Variants in DIAPH3 observed in about 807,000 individuals in gnomAD.
The protein encoded by DIAPH3 is diaphanous related formin 3.
A neutral mutation model predicts 144.3 loss-of-function variants in DIAPH3; 117 were observed. The observed-to-expected ratio is 0.81, with a 90% CI of 0.70 to 0.95. The LOEUF is 0.95. Ranked by LOEUF, DIAPH3 falls within the 40% of genes least tolerant of loss-of-function variation. The probability of loss-of-function intolerance (pLI) is 0.00; values close to 1 mark genes in which losing one functional copy is unlikely to be tolerated. For missense variants in DIAPH3, 1,421 were observed against 1,412.7 expected, an observed-to-expected ratio of 1.01 and a Z score of -0.09; for synonymous variants, 519 against 488.9, an observed-to-expected ratio of 1.06 and a Z score of -0.81.
intron 20 of DIAPH3, among the ~76,000 whole-genome samples, chr13:59,900,380 C>G (rs545006609): frequency 6.8e-4 from 104 of 152,240 alleles, no homozygotes; most frequent in African/African-American, 2.4e-3. Context: ...GTCATGGCCA[C>G]TAGCTTCTTT....
At chr13:60,072,939 A>T (rs796972926) in intron 4 of DIAPH3, among the ~76,000 whole-genome samples, 23 of 152,292 alleles carry the variant, frequency 1.5e-4, no homozygotes, top group African/African-American at 5.3e-4. Flanking sequence ...TCTGGGGGAG[A>T]AATTATGGAT....
At chr13:60,092,576 G>A (rs1007106396) in intron 4 of DIAPH3, among the ~76,000 whole-genome samples, 3 of 152,058 alleles carry the variant, frequency 2.0e-5, no homozygotes, top group African/African-American at 7.2e-5. Context: ...GCGTGAACCC[G>A]GGAGGCGGAG....
chr13:59,957,519 T>A (rs1243845448), intron 17 of DIAPH3, among the ~76,000 whole-genome samples: 4 of 152,192 alleles, frequency 2.6e-5, no homozygotes, highest in African/African-American at 9.7e-5. Flanking sequence ...TCTTTTTCTT[T>A]ATAAATACCC....
Position 60,042,804 on chromosome 13 carries a change from C to T in DIAPH3, c.512G>A (p.Ser171Asn). 1 of 1,613,474 alleles carries T rather than the reference C, an allele frequency of 6.2e-7. No individual in the cohort carries two copies. Among genetic ancestry groups the T allele is most frequent in the South Asian group, 1.1e-5 (1 of 91,060 alleles). ...GAATTCCTGAGGTGAGATCTGTCGGCTTCTCTTAAGACTTCCCTATAAAAT... is the reference window on the plus strand; with the variant it reads ...GAATTCCTGAGGTGAGATCTGTCGGTTTCTCTTAAGACTTCCCTATAAAAT... ...TASKTGSLKR[S>N]RQISPQEFIH... The change falls in exon 5 of 28, where the codon AGC (serine) becomes AAC (asparagine). Residue 171 changes from serine to asparagine, a missense_variant. Transcript: ENST00000400324.
intron 25 of DIAPH3, among the ~76,000 whole-genome samples, chr13:59,797,448 C>T (rs2039672795): frequency 6.6e-6 from 1 of 152,124 alleles, no homozygotes; most frequent in African/African-American, 2.4e-5. Context: ...TATTTCAATG[C>T]CCATTTTTAT....
At chr13:59,784,595 T>A (rs896501685) in intron 25 of DIAPH3, among the ~76,000 whole-genome samples, 2 of 151,880 alleles carry the variant, frequency 1.3e-5, no homozygotes, top group African/African-American at 4.8e-5. Context: ...CAGGCTGGTC[T>A]TGAACTCCTG....
intron 20 of DIAPH3, among the ~76,000 whole-genome samples, chr13:59,898,246 C>T (rs574061624): frequency 6.6e-6 from 1 of 151,956 alleles, no homozygotes; most frequent in African/African-American, 2.4e-5. Context: ...CACATGCATG[C>T]TCTCCTAATC....
chr13:60,046,999 T>A (rs1380606428), intron 4 of DIAPH3, among the ~76,000 whole-genome samples: 1 of 151,992 alleles, frequency 6.6e-6, no homozygotes, highest in African/African-American at 2.4e-5. Flanking sequence ...AAGAGAGGGA[T>A]AGCATTAGGA....
intron 27 of DIAPH3, among the ~76,000 whole-genome samples, chr13:59,729,524 A>T (rs778236268): frequency 1.3e-5 from 2 of 152,028 alleles, no homozygotes; most frequent in Non-Finnish European, 2.9e-5. Context: ...AAAACAATTT[A>T]CCATAACGTG....
intron 19 of DIAPH3, among the ~76,000 whole-genome samples, chr13:59,913,089 C>T (rs189356925): frequency 6.6e-6 from 1 of 152,226 alleles, no homozygotes; most frequent in Admixed American, 6.5e-5. Context: ...TATATTTTTA[C>T]CCATTCTAGT....
chr13:59,917,889 C>CAAAAA (rs60792156), intron 18 of DIAPH3, among the ~76,000 whole-genome samples: 14 of 18,632 alleles, frequency 7.5e-4, no homozygotes, highest in Non-Finnish European at 9.8e-4. Flanking sequence ...GACTCTGTCT[C>CAAAAA]AAAAAAAAAA....
intron 21 of DIAPH3, among the ~76,000 whole-genome samples, chr13:59,875,470 G>T (rs2044558876): frequency 6.6e-6 from 1 of 151,826 alleles, no homozygotes; most frequent in Non-Finnish European, 1.5e-5. Context: ...TCCTTAAGAG[G>T]CCCAGAATAC....
chr13:59,959,142 C>T (rs1297868657), intron 17 of DIAPH3, among the ~76,000 whole-genome samples: 2 of 152,078 alleles, frequency 1.3e-5, no homozygotes. Context: ...TCACAAAGTG[C>T]GGAGATTACA....
intron 27 of DIAPH3, among the ~76,000 whole-genome samples, chr13:59,680,565 CTT>C (rs74919349): frequency 3.2e-4 from 46 of 141,870 alleles, no homozygotes; most frequent in Admixed American, 2.8e-4. Flanking sequence ...TTTCCTTAGT[CTT>C]TTTTTTTTTT....
At chr13:60,031,907 C>T (rs191918663) in intron 5 of DIAPH3, among the ~76,000 whole-genome samples, 3 of 152,086 alleles carry the variant, frequency 2.0e-5, no homozygotes, top group African/African-American at 7.2e-5. Flanking sequence ...CCATGCCCAG[C>T]TAATTTTTGT....
chr13:59,674,939 A>T (rs1202502732), intron 27 of DIAPH3, among the ~76,000 whole-genome samples: 2 of 152,370 alleles, frequency 1.3e-5, no homozygotes, highest in East Asian at 3.9e-4. Flanking sequence ...GGTCAGAAGT[A>T]ATTTGATCAG....
At chr13:60,022,966 T>C (rs192792124) in intron 5 of DIAPH3, among the ~76,000 whole-genome samples, 3 of 152,292 alleles carry the variant, frequency 2.0e-5, no homozygotes, top group African/African-American at 7.2e-5. Flanking sequence ...ATGATGAACA[T>C]TGGTTTGTAA....
chr13:59,873,215 C>T (rs1398797541), intron 21 of DIAPH3, among the ~76,000 whole-genome samples: 1 of 152,172 alleles, frequency 6.6e-6, no homozygotes, highest in Admixed American at 6.5e-5. Flanking sequence ...AACTGCTTTA[C>T]TTTCAAAGGT....
intron 17 of DIAPH3, among the ~76,000 whole-genome samples, chr13:59,954,979 A>G (rs2049308480): frequency 6.6e-6 from 1 of 151,978 alleles, no homozygotes; most frequent in South Asian, 2.1e-4. Flanking sequence ...GGGGACATGG[A>G]GACAAACCAT....
Sources: gnomAD v4.1 joint callset for allele counts (sites outside exome capture counted in the v4.1 genomes callset) on GRCh38, gnomAD v4.1.1 for gene constraint, MANE v1.5 for transcripts, NCBI Gene and HGNC (gene_info 2026-07-23, HGNC 2026-07-21) for gene names.